Variants in LDB3 observed in about 807,000 individuals in gnomAD.
LDB3 encodes LIM domain binding 3.
Under a neutral mutation model 69.0 loss-of-function variants are expected in LDB3, and 49 were observed. The ratio of observed to expected loss-of-function variants is 0.71; its 90% CI spans 0.56 to 0.90. The LOEUF (loss-of-function observed/expected upper bound fraction) is 0.90. LDB3 is among the 40% of genes least tolerant of loss of function. LDB3 has a pLI of 0.00. For missense variants in LDB3, 928 were observed against 974.1 expected (o/e 0.95, Z 0.63); for synonymous variants, 387 against 396.2 (o/e 0.98, Z 0.28).
chr10:86,680,263 G>C (rs45579034), intron 4 of LDB3, 106 bp downstream of exon 4: 77 of 1,009,110 alleles, frequency 7.6e-5, no homozygotes, highest in Non-Finnish European at 1.0e-4. Flanking sequence ...ATGAGGCCGT[G>C]GGATCAGCCC....
At chr10:86,686,075 C>T (rs1040490154) in intron 5 of LDB3, among the ~76,000 whole-genome samples, 9 of 152,178 alleles carry the variant, frequency 5.9e-5, no homozygotes, top group African/African-American at 2.2e-4. Flanking sequence ...AAGGGCTGCA[C>T]TGGATCTTGT....
chr10:86,667,627 AGGGCACG>A (rs1318150043), upstream of LDB3, among the ~76,000 whole-genome samples: 3 of 152,146 alleles, frequency 2.0e-5, no homozygotes, highest in African/African-American at 7.2e-5. Context: ...TCCTGCGCAA[AGGGCACG>A]GGGCCTGGCG....
At position 86,682,655 on chromosome 10, in the gene LDB3, G is replaced by A. The variant is rs374753060; in HGVS notation, c.689+852G>A. The stretch of plus-strand genomic sequence containing the variant: ...CAGGGCAGGCTGAGTCAAGGCAGTA[G>A]AGCCTAGTGGTTCAGGGTTCCTCCT... On this transcript the variant is annotated intron_variant, in intron 5 of 13. Coordinates refer to ENST00000361373, the MANE Select transcript of LDB3 (RefSeq NM_007078.3). Among the ~76,000 whole-genome samples, 247 of 152,324 alleles carry A rather than the reference G, an allele frequency of 1.6e-3. 2 individuals are homozygous for A. Among genetic ancestry groups the A allele is most frequent in the African/African-American group, 5.4e-3 (225 of 41,564 alleles).
intron 4 of LDB3, 120 bp downstream of exon 4, chr10:86,680,277 C>T: frequency 3.6e-6 from 3 of 839,202 alleles, no homozygotes; most frequent in Non-Finnish European, 5.9e-6. Context: ...TCAGCCCTGC[C>T]CCATCCCTGC....
chr10:86,674,163 G>T (rs1844644520), intron 2 of LDB3, among the ~76,000 whole-genome samples: 1 of 152,194 alleles, frequency 6.6e-6, no homozygotes, highest in Admixed American at 6.5e-5. Context: ...AGCAGATGGG[G>T]TCAGCACTGT....
At position 86,699,854 on chromosome 10, in the gene LDB3, C is replaced by T; in HGVS notation, c.897-6677C>T. 4.9e-6 allele frequency: 5 copies of T among 1,024,500 alleles called. No individual in the cohort carries two copies. The highest frequency in any genetic ancestry group is 5.9e-6 in the Non-Finnish European group (5 of 853,380). 63.5% of individuals were successfully genotyped at this position (1,024,500 alleles called of 1,614,324 possible). ...CCGGCTCCCTCGCTGCCCTCTGGAG[C>T]TCAGGGCAGCCCGGAATAGGGCTCT... On this transcript the variant is annotated intron_variant, in intron 7 of 13. Coordinates refer to ENST00000361373, the MANE Select transcript of LDB3 (RefSeq NM_007078.3). This position sits in a 1 kb window ranked among gnomAD's most constrained non-coding sequence, Gnocchi z 4.9.
At chr10:86,711,517 G>C (rs1004831748) in intron 9 of LDB3, among the ~76,000 whole-genome samples, 1 of 152,100 alleles carries the variant, frequency 6.6e-6, no homozygotes, top group African/African-American at 2.4e-5. Context: ...GGGGCGGCTG[G>C]CAGGCGGCCC....
At chr10:86,715,029 T>A (rs146000207) in intron 9 of LDB3, among the ~76,000 whole-genome samples, 200 of 151,924 alleles carry the variant, frequency 1.3e-3, no homozygotes, top group African/African-American at 4.5e-3. Flanking sequence ...CACCTGGGAG[T>A]GGAAGGTGCA....
intron 2 of LDB3, among the ~76,000 whole-genome samples, chr10:86,672,476 C>T (rs947393470): frequency 6.6e-6 from 1 of 152,240 alleles, no homozygotes; most frequent in Non-Finnish European, 1.5e-5. Context: ...GTAGCTGTGC[C>T]GGCAATTCCT....
intron 7 of LDB3, among the ~76,000 whole-genome samples, chr10:86,698,345 G>T (rs577212166): frequency 0.016 from 2,446 of 152,328 alleles, 51 homozygotes; most frequent in African/African-American, 0.049. Context: ...TGAGTTGGAA[G>T]CACCGTACAG....
rs997323119 is a variant in LDB3 at position 86,716,906 on chromosome 10, G to T, written c.1676+135G>T. ...AGGGAGAAAGCCTCGGGTCCTTCTG[G>T]CTTGCCATCTGGTCTTACCTCTCTG... On this transcript the variant is annotated intron_variant, in intron 10 of 13. Coordinates refer to ENST00000361373, the MANE Select transcript of LDB3 (RefSeq NM_007078.3). 75 of 947,758 alleles carry T rather than the reference G, an allele frequency of 7.9e-5. No homozygotes were observed. The African/African-American group carries it at 1.0e-3, about 13-fold the overall frequency. 58.7% of individuals were successfully genotyped at this position (947,758 alleles called of 1,614,324 possible). A position where few individuals can be genotyped will look rare whatever the true frequency, so the allele number is the denominator to read the frequency against.
At position 86,699,294 on chromosome 10, in the gene LDB3, G is replaced by A. The variant is rs868365512; in HGVS notation, c.896+6723G>A. The A allele has an allele frequency of 6.2e-7, 1 of 1,613,316 alleles. No individual in the cohort carries two copies. The highest frequency in any genetic ancestry group is 8.5e-7 in the Non-Finnish European group (1 of 1,179,864). On this transcript the variant is annotated intron_variant, in intron 7 of 13. Coordinates refer to ENST00000361373, the MANE Select transcript of LDB3 (RefSeq NM_007078.3). This position sits in a 1 kb window ranked among gnomAD's most constrained non-coding sequence, Gnocchi z 4.9. ...GTGCCACAGGGAAAGGTTTGAAACG[G>A]AACGTAACAGCCCACGTTTTGCCAA...
At chr10:86,727,789 C>A (rs1310177703) in intron 13 of LDB3, among the ~76,000 whole-genome samples, 4 of 151,730 alleles carry the variant, frequency 2.6e-5, no homozygotes, top group Non-Finnish European at 4.4e-5. Context: ...TGTGTCTTCA[C>A]ATGACATTCT....
At chr10:86,681,290 T>G in intron 4 of LDB3, 146 bp from the exon 5 acceptor site, 1 of 1,230,540 alleles carries the variant, frequency 8.1e-7, no homozygotes, top group Admixed American at 1.7e-5. Flanking sequence ...TGTCCTCCCC[T>G]CCAAGTGCTG....
intron 7 of LDB3, among the ~76,000 whole-genome samples, chr10:86,694,768 C>T (rs1402101879): frequency 2.6e-5 from 4 of 152,134 alleles, no homozygotes; most frequent in Admixed American, 6.5e-5. Flanking sequence ...ATGACTGGGG[C>T]CCCAGGCTCA....
chr10:86,727,123 C>G (rs903299147), intron 13 of LDB3, among the ~76,000 whole-genome samples: 3 of 151,182 alleles, frequency 2.0e-5, no homozygotes, highest in Non-Finnish European at 2.9e-5. Context: ...TGGGTTCAAG[C>G]GATTCTTCTG....
rs529919152 is a variant in LDB3, at chr10:86,677,712, C to T, written c.94-1655C>T. Reference sequence around the variant, plus strand: ...CAGGGTTTGGGAACTGGCCCCCGCACCTGCACCCTGCCTTCTGGAGGTATG... The same window carrying T: ...CAGGGTTTGGGAACTGGCCCCCGCATCTGCACCCTGCCTTCTGGAGGTATG... On this transcript the variant is annotated intron_variant, in intron 2 of 13. Coordinates refer to ENST00000361373, the MANE Select transcript of LDB3 (RefSeq NM_007078.3). Among the ~76,000 whole-genome samples the T allele has an allele frequency of 6.8e-4, 104 of 152,296 alleles. 1 individual carries two copies. The highest frequency in any genetic ancestry group is 2.7e-3 in the Admixed American group (42 of 15,294).
rs1046502679 is a variant in LDB3 at position 86,668,579 on chromosome 10, G to A, written c.-24+9G>A. 2.3e-5 allele frequency: 20 copies of A among 867,368 alleles called. No homozygotes were observed. Among genetic ancestry groups the A allele is most frequent in the African/African-American group, 1.3e-4 (8 of 60,746 alleles). The allele number at this position is 867,368 out of a possible 1,614,324, so 53.7% of individuals were successfully genotyped here. ...AGCAAGGGACAGAACAGGCAAGGCT[G>A]GGGGTCAGGGGCAGGGGCAGAGGTG... On this transcript the variant is annotated intron_variant, in intron 1 of 13. Coordinates refer to ENST00000361373, the MANE Select transcript of LDB3 (RefSeq NM_007078.3).
intron 7 of LDB3, among the ~76,000 whole-genome samples, chr10:86,702,451 C>T (rs1404821418): frequency 6.6e-6 from 1 of 152,200 alleles, no homozygotes; most frequent in African/African-American, 2.4e-5. Flanking sequence ...ACATGCTCCA[C>T]CTTGATGCTG....
Sources: allele counts gnomAD v4.1 joint callset (sites outside exome capture counted in the v4.1 genomes callset), GRCh38; gene constraint gnomAD v4.1.1; non-coding constraint Gnocchi (gnomAD v3.1); transcripts MANE v1.5; gene names NCBI Gene and HGNC (gene_info 2026-07-23, HGNC 2026-07-21).